The following SIKE1 variants were observed in gnomAD, a reference collection of about 807,000 sequenced individuals.
SIKE1 encodes suppressor of IKBKE 1.
SIKE1 carries 13 observed loss-of-function variants against 25.8 expected under a neutral mutation model. That is an observed-to-expected ratio of 0.50 (90% confidence interval 0.33 to 0.80). SIKE1 has a LOEUF of 0.80. Among genes scored for constraint, SIKE1 ranks in the 30% least tolerant of loss-of-function variants. The pLI is 0.02. For missense variants in SIKE1, 222 were observed against 252.4 expected, an observed-to-expected ratio of 0.88 and a Z score of 0.82; for synonymous variants, 86 against 95.5, an observed-to-expected ratio of 0.90 and a Z score of 0.58.
Position 114,773,603 on chromosome 1 carries a change from A to G in SIKE1, c.*668T>C, listed in dbSNP as rs1371219623. On this transcript the variant is annotated 3_prime_UTR_variant, in exon 5 of 5. Coordinates refer to ENST00000060969, the MANE Select transcript of SIKE1 (RefSeq NM_025073.3). ...AGGACAAGCTCCTCAGCTTTGAACA[A>G]TATGAACTTTGGACAATATGACAAC... The G allele has an allele frequency of 6.6e-6, 1 of 152,664 alleles. No homozygotes were observed. Among genetic ancestry groups the G allele is most frequent in the African/African-American group, 2.4e-5 (1 of 41,472 alleles). 9.5% of individuals were successfully genotyped at this position (152,664 alleles called of 1,614,324 possible). A position where few individuals can be genotyped will look rare whatever the true frequency, so the allele number is the denominator to read the frequency against.
chr1:114,777,587 T>C (rs1038311664), intron 3 of SIKE1, among the ~76,000 whole-genome samples: 6 of 152,184 alleles, frequency 3.9e-5, no homozygotes, highest in Non-Finnish European at 5.9e-5. Flanking sequence ...CTGATGGCTG[T>C]AATTGCAGAG....
chr1:114,780,209 C>T lies in SIKE1; in HGVS notation c.166G>A (p.Glu56Lys), dbSNP rs1662362506. The T allele has an allele frequency of 6.2e-7, 1 of 1,611,650 alleles. No homozygotes were observed. Among genetic ancestry groups the T allele is most frequent in the Non-Finnish European group, 8.5e-7 (1 of 1,178,480 alleles). The change falls in exon 2 of 5, where the codon GAG (glutamate) becomes AAG (lysine). Residue 56 changes from glutamate (E) to lysine (K), a missense_variant. Physicochemically the swap from Glu to Lys is moderately conservative, Grantham distance 56. Coordinates refer to ENST00000060969, the MANE Select transcript of SIKE1 (RefSeq NM_025073.3). The stretch of plus-strand genomic sequence containing the variant: ...ATGTCCTTCATATCGGATGCATCCT[C>T]TTGATACTGGACAAATAGAGACAGA... ...AGTALPDQYQ[E>K]DASDMKDMSK...
intron 4 of SIKE1, 79 bp downstream of exon 4, chr1:114,776,267 G>T: frequency 1.2e-6 from 1 of 853,284 alleles, no homozygotes; most frequent in Non-Finnish European, 2.0e-6. Context: ...ATATATTACA[G>T]TGATGGGATA....
At chr1:114,780,066 C>G (rs750054296) in intron 2 of SIKE1, 44 bp downstream of exon 2, 7 of 1,401,562 alleles carry the variant, frequency 5.0e-6, no homozygotes, top group Non-Finnish European at 5.0e-6. Context: ...GGCAATTTTG[C>G]AATAACTTTA....
intron 3 of SIKE1, 128 bp from the exon 4 acceptor site, chr1:114,776,587 T>G (rs1570988701): frequency 1.5e-6 from 1 of 661,658 alleles, no homozygotes; most frequent in East Asian, 2.8e-5. Context: ...ACAATGGAGT[T>G]TCCCTACAAT....
In SIKE1 at chr1:114,771,263, A is replaced by G. The variant is rs1420006644; in HGVS notation, c.*3008T>C. 2 of 152,234 alleles carry G rather than the reference A, an allele frequency of 1.3e-5. No homozygotes were observed. Among genetic ancestry groups the G allele is most frequent in the East Asian group, 1.9e-4 (1 of 5,204 alleles). 9.4% of individuals were successfully genotyped at this position (152,234 alleles called of 1,614,324 possible). A position where few individuals can be genotyped will look rare whatever the true frequency, so the allele number is the denominator to read the frequency against. ...CTCAGCTACACCATTCTAGAAAATA[A>G]TATCTCATTAGTTAAGACTCCATTT... On this transcript the variant is annotated 3_prime_UTR_variant, in exon 5 of 5. Coordinates refer to ENST00000060969, the MANE Select transcript of SIKE1 (RefSeq NM_025073.3).
Position 114,771,589 on chromosome 1 carries a change from A to G in SIKE1, c.*2682T>C, listed in dbSNP as rs974648998. 1.3e-5 allele frequency: 2 copies of G among 152,164 alleles called. No homozygotes were observed. The highest frequency in any genetic ancestry group is 2.9e-5 in the Non-Finnish European group (2 of 68,028). 9.4% of individuals were successfully genotyped at this position (152,164 alleles called of 1,614,324 possible). On this transcript the variant is annotated 3_prime_UTR_variant, in exon 5 of 5. Transcript: ENST00000060969. Reference sequence around the variant, plus strand: ...CAATAGATGGTAGCTATTATTGGCAATACCATACATACTTTGCTTTTGTGG... The same window carrying G: ...CAATAGATGGTAGCTATTATTGGCAGTACCATACATACTTTGCTTTTGTGG...
intron 3 of SIKE1, chr1:114,778,866 A>C (rs1443092151): frequency 1.4e-5 from 6 of 414,122 alleles, no homozygotes; most frequent in Admixed American, 1.2e-4. Flanking sequence ...TCTCTACCAA[A>C]AAACAAACAA....
chr1:114,780,621 C>G lies in SIKE1; in HGVS notation c.-14G>C. Reference sequence around the variant, plus strand: ...GGTGCAGCTCATAGCAGCAGCACCACCCCAGCCCCTGCCGGGCTCAGCTAC... The same window carrying G: ...GGTGCAGCTCATAGCAGCAGCACCAGCCCAGCCCCTGCCGGGCTCAGCTAC... On this transcript the variant is annotated 5_prime_UTR_variant, in exon 1 of 5. Transcript: ENST00000060969. 6.3e-7 allele frequency: 1 copy of G among 1,592,382 alleles called. No homozygotes were observed. The highest frequency in any genetic ancestry group is 8.6e-7 in the Non-Finnish European group (1 of 1,166,978).
chr1:114,780,622 C>A lies in SIKE1; in HGVS notation c.-15G>T. ...GTGCAGCTCATAGCAGCAGCACCAC[C>A]CCAGCCCCTGCCGGGCTCAGCTACG... On this transcript the variant is annotated 5_prime_UTR_variant, in exon 1 of 5. Transcript: ENST00000060969. 6.3e-7 allele frequency: 1 copy of A among 1,593,430 alleles called. No homozygotes were observed. Among genetic ancestry groups the A allele is most frequent in the Non-Finnish European group, 8.6e-7 (1 of 1,168,180 alleles).
rs1405098404 is a variant in SIKE1, at chr1:114,776,448, ACT to A, written c.418_419del (p.Gln141AspfsTer2). ...AHQSHSAEIESQIDRICEMGE... is the reference protein window; with the variant it reads ...AHQSHSAEIEXQIDRICEMGE... Reference sequence around the variant, plus strand: ...CCATTTCACAGATTCTGTCAATCTGACTCTCAATTTCCTGTGAAGATATTAAG... The same window carrying A: ...CCATTTCACAGATTCTGTCAATCTGACTCAATTTCCTGTGAAGATATTAAG... On this transcript the variant is annotated frameshift_variant, in exon 4 of 5. Coordinates refer to ENST00000060969, the MANE Select transcript of SIKE1 (RefSeq NM_025073.3). LOFTEE classifies it high-confidence loss of function. 6.2e-7 allele frequency: 1 copy of A among 1,608,476 alleles called. No homozygotes were observed. Among genetic ancestry groups the A allele is most frequent in the Admixed American group, 1.7e-5 (1 of 59,996 alleles).
In SIKE1 at chr1:114,778,840, A is replaced by G. The variant is rs564733918; in HGVS notation, c.408+302T>C. On this transcript the variant is annotated intron_variant, in intron 3 of 4. Transcript: ENST00000060969. ...CAGGAGTTTCAGACCAGCCTGGGCAACATGGCGAAATGTCATCTCTACCAA... is the reference window on the plus strand; with the variant it reads ...CAGGAGTTTCAGACCAGCCTGGGCAGCATGGCGAAATGTCATCTCTACCAA... 22 of 360,154 alleles carry G rather than the reference A, an allele frequency of 6.1e-5. No homozygotes were observed. The East Asian group carries it at 1.0e-3, about 17-fold the overall frequency. 22.3% of individuals were successfully genotyped at this position (360,154 alleles called of 1,614,324 possible).
At chr1:114,776,541 T>G (rs1662246034) in intron 3 of SIKE1, 82 bp from the exon 4 acceptor site, 1 of 881,832 alleles carries the variant, frequency 1.1e-6, no homozygotes, top group Admixed American at 2.0e-5. Flanking sequence ...TGCATTACGA[T>G]TTTTAAAAGT....
In SIKE1 at chr1:114,772,419, T is replaced by C. The variant is rs1290994511; in HGVS notation, c.*1852A>G. ...GCATTAACACCAGCCAGAATTTATA[T>C]TATGTAGAGCACTAAAAGCTTCTTA... On this transcript the variant is annotated 3_prime_UTR_variant, in exon 5 of 5. Coordinates refer to ENST00000060969, the MANE Select transcript of SIKE1 (RefSeq NM_025073.3). 6.6e-6 allele frequency: 1 copy of C among 152,186 alleles called. No individual in the cohort carries two copies. Among genetic ancestry groups the C allele is most frequent in the African/African-American group, 2.4e-5 (1 of 41,448 alleles). 9.4% of individuals were successfully genotyped at this position (152,186 alleles called of 1,614,324 possible).
rs1662089360 is a variant in SIKE1 at position 114,772,249 on chromosome 1, GTTT to G, written c.*2019_*2021del. The G allele has an allele frequency of 6.6e-6, 1 of 152,112 alleles. No individual in the cohort carries two copies. Among genetic ancestry groups the G allele is most frequent in the African/African-American group, 2.4e-5 (1 of 41,426 alleles). 9.4% of individuals were successfully genotyped at this position (152,112 alleles called of 1,614,324 possible). A position where few individuals can be genotyped will look rare whatever the true frequency, so the allele number is the denominator to read the frequency against. On this transcript the variant is annotated 3_prime_UTR_variant, in exon 5 of 5. Transcript: ENST00000060969. ...AATTAGCTTATCTTCTCAAAATGCAGTTTTTGTTAGAAAATATAATTTTGAACT... is the reference window on the plus strand; with the variant it reads ...AATTAGCTTATCTTCTCAAAATGCAGTTGTTAGAAAATATAATTTTGAACT...
Position 114,774,386 on chromosome 1 carries a change from G to A in SIKE1, c.523-14C>T, listed in dbSNP as rs1223907648. 1 of 1,559,766 alleles carries A rather than the reference G, an allele frequency of 6.4e-7. No homozygotes were observed. Among genetic ancestry groups the A allele is most frequent in the Non-Finnish European group, 8.8e-7 (1 of 1,136,976 alleles). On this transcript the variant is annotated splice_polypyrimidine_tract_variant and intron_variant, in intron 4 of 4. Coordinates refer to ENST00000060969, the MANE Select transcript of SIKE1 (RefSeq NM_025073.3). ...CTTATTTTCAAGCTGGAAAAAAAAAGGCATGTTTATTTCTGGTATTTTTAC... is the reference window on the plus strand; with the variant it reads ...CTTATTTTCAAGCTGGAAAAAAAAAAGCATGTTTATTTCTGGTATTTTTAC...
chr1:114,780,422 G>C lies in SIKE1; in HGVS notation c.159+27C>G, dbSNP rs1053936704. The C allele has an allele frequency of 3.7e-6, 6 of 1,609,910 alleles. No homozygotes were observed. In the Admixed American group the frequency reaches 6.7e-5, roughly 18 times the overall value. On this transcript the variant is annotated intron_variant, in intron 1 of 4. Coordinates refer to ENST00000060969, the MANE Select transcript of SIKE1 (RefSeq NM_025073.3). ...ACCCTTCAGTGCCCAGAATCCGAGA[G>C]CACTGGACTCCTACCCTCTGCCTGA...
intron 4 of SIKE1, among the ~76,000 whole-genome samples, chr1:114,775,664 C>T (rs2101129140): frequency 6.6e-6 from 1 of 152,126 alleles, no homozygotes; most frequent in African/African-American, 2.4e-5. Flanking sequence ...CACCACCACA[C>T]CTGGCTAATT....
rs1475978599 is a variant in SIKE1, at chr1:114,771,202, T to C, written c.*3069A>G. On this transcript the variant is annotated 3_prime_UTR_variant, in exon 5 of 5. Transcript: ENST00000060969. Reference sequence around the variant, plus strand: ...TCCTGTATATAGTAAGAGTCACTGATTAAACATTATTCCTTTCAGTTGAAT... The same window carrying C: ...TCCTGTATATAGTAAGAGTCACTGACTAAACATTATTCCTTTCAGTTGAAT... 6.6e-6 allele frequency: 1 copy of C among 152,224 alleles called. No individual in the cohort carries two copies. The highest frequency in any genetic ancestry group is 2.4e-5 in the African/African-American group (1 of 41,460). The allele number at this position is 152,224 out of a possible 1,614,324, so 9.4% of individuals were successfully genotyped here. A position where few individuals can be genotyped will look rare whatever the true frequency, so the allele number is the denominator to read the frequency against.
Sources: allele counts gnomAD v4.1 joint callset (sites outside exome capture counted in the v4.1 genomes callset), GRCh38; gene constraint gnomAD v4.1.1; transcripts MANE v1.5; gene names NCBI Gene and HGNC (gene_info 2026-07-23, HGNC 2026-07-21).